The following CAV1 variants were observed in gnomAD, a reference collection of about 807,000 sequenced individuals.
CAV1 encodes caveolin 1, also known as caveolin-1.
Under a neutral mutation model 16.5 loss-of-function variants are expected in CAV1, and 10 were observed. The observed-to-expected ratio is 0.61, with a 90% CI of 0.37 to 1.03. The LOEUF is 1.03. CAV1 is among the 50% of genes least tolerant of loss of function. The pLI is 0.01. For synonymous variants in CAV1, 76 were observed against 85.1 expected, an observed-to-expected ratio of 0.89 and a Z score of 0.59; for missense variants, 212 against 232.8, an observed-to-expected ratio of 0.91 and a Z score of 0.58.
At chr7:116,525,578 A>C in intron 1 of CAV1, 2 of 1,194,686 alleles carry the variant, frequency 1.7e-6, no homozygotes, top group African/African-American at 1.6e-5. Context: ...GCACTTTCCA[A>C]AGTTCTTGAA....
At chr7:116,527,799 G>T (rs1317627675) in intron 2 of CAV1, among the ~76,000 whole-genome samples, 1 of 151,784 alleles carries the variant, frequency 6.6e-6, no homozygotes, top group Non-Finnish European at 1.5e-5. Flanking sequence ...AGGAGCTATA[G>T]TTCACAAACC....
At chr7:116,525,761 C>A in intron 1 of CAV1, 1 of 1,051,682 alleles carries the variant, frequency 9.5e-7, no homozygotes, top group South Asian at 3.6e-5. Flanking sequence ...GCCACCCGCC[C>A]GCAGCCTGGG....
Position 116,559,614 on chromosome 7 carries a change from G to GA in CAV1, c.*341dup, listed in dbSNP as rs71528103. 0.073 allele frequency: 26,046 copies of GA among 356,716 alleles called. 6 individuals are homozygous for GA. Among genetic ancestry groups the GA allele is most frequent in the Middle Eastern group, 0.097 (130 of 1,334 alleles). The allele number at this position is 356,716 out of a possible 1,614,324, so 22.1% of individuals were successfully genotyped here. ...GAGAGAAATATGAAGAACTGAGGAG[G>GA]AAAAAAAAAAAAAAGAAAAGAACCA... is the stretch of plus-strand genomic sequence containing the variant. On this transcript the variant is annotated 3_prime_UTR_variant, in exon 3 of 3. Coordinates refer to ENST00000341049, the MANE Select transcript of CAV1 (RefSeq NM_001753.5).
intron 2 of CAV1, among the ~76,000 whole-genome samples, chr7:116,545,479 A>G (rs1209430402): frequency 1.3e-5 from 2 of 152,170 alleles, no homozygotes; most frequent in Admixed American, 6.5e-5. Context: ...CTTTTTCCTC[A>G]CTTGCCAAGC....
rs1793883758 is a variant in CAV1 at position 116,539,029 on chromosome 7, G to A, written c.195+12340G>A. ...AAGATGAGATTTGGGTGGGGACACA[G>A]CCAAACCATATCAGGCATTCAACCA... On this transcript the variant is annotated intron_variant, in intron 2 of 2. Coordinates refer to ENST00000341049, the MANE Select transcript of CAV1 (RefSeq NM_001753.5). Among the ~76,000 whole-genome samples, 3 of 152,246 alleles carry A rather than the reference G, an allele frequency of 2.0e-5. No homozygotes were observed. The South Asian group carries it at 6.2e-4, about 32-fold the overall frequency.
intron 2 of CAV1, among the ~76,000 whole-genome samples, chr7:116,532,387 A>G (rs887425250): frequency 6.6e-6 from 1 of 152,250 alleles, no homozygotes; most frequent in Non-Finnish European, 1.5e-5. Flanking sequence ...TGGAATGACC[A>G]GAAACAGCTG....
At chr7:116,541,275 A>G (rs539496756) in intron 2 of CAV1, among the ~76,000 whole-genome samples, 12 of 152,260 alleles carry the variant, frequency 7.9e-5, no homozygotes, top group Non-Finnish European at 1.6e-4. Context: ...GGTAAGGCTG[A>G]GGAGGGACTG....
chr7:116,546,460 C>CGGGTGGATCACCTGAGGT (rs1393207739), intron 2 of CAV1, among the ~76,000 whole-genome samples: 1 of 151,362 alleles, frequency 6.6e-6, no homozygotes, highest in Non-Finnish European at 1.5e-5. Flanking sequence ...GAGCCTGAGG[C>CGGGTGGATCACCTGAGGT]GGGTGGATCA....
At chr7:116,529,537 T>C (rs924625979) in intron 2 of CAV1, among the ~76,000 whole-genome samples, 13 of 152,114 alleles carry the variant, frequency 8.5e-5, no homozygotes, top group African/African-American at 2.9e-4. Context: ...GTTCTCTGCA[T>C]TGTAAAAGCA....
chr7:116,528,826 T>C (rs1034974914), intron 2 of CAV1, among the ~76,000 whole-genome samples: 3 of 151,852 alleles, frequency 2.0e-5, no homozygotes, highest in African/African-American at 4.8e-5. Flanking sequence ...TTTATTTTTA[T>C]TTATTTATTT....
At chr7:116,528,717 CAAAAT>C (rs1793624098) in intron 2 of CAV1, among the ~76,000 whole-genome samples, 1 of 152,164 alleles carries the variant, frequency 6.6e-6, no homozygotes, top group East Asian at 1.9e-4. Flanking sequence ...CAAGCACAAA[CAAAAT>C]AACAGAAACA....
At chr7:116,555,542 G>GAGAGAAAGAA (rs1478856618) in intron 2 of CAV1, among the ~76,000 whole-genome samples, 15 of 12,114 alleles carry the variant, frequency 1.2e-3, no homozygotes, top group Non-Finnish European at 1.9e-3. Flanking sequence ...GAGAGAGAGA[G>GAGAGAAAGAA]AGAAAGAAAG....
In CAV1 at chr7:116,559,795, A is replaced by G; in HGVS notation, c.*508A>G. On this transcript the variant is annotated 3_prime_UTR_variant, in exon 3 of 3. Coordinates refer to ENST00000341049, the MANE Select transcript of CAV1 (RefSeq NM_001753.5). ...AGTGGATTACTGCCATTCACTTCAT[A>G]ATCCAGTAGGATCCAGTGATCCTTA... The G allele has an allele frequency of 2.4e-6, 1 of 411,582 alleles. No individual in the cohort carries two copies. Among genetic ancestry groups the G allele is most frequent in the Non-Finnish European group, 4.3e-6 (1 of 234,174 alleles). The allele number at this position is 411,582 out of a possible 1,614,324, so 25.5% of individuals were successfully genotyped here. A position where few individuals can be genotyped will look rare whatever the true frequency, so the allele number is the denominator to read the frequency against.
chr7:116,545,909 TG>T (rs1350761020), intron 2 of CAV1, among the ~76,000 whole-genome samples: 2 of 152,374 alleles, frequency 1.3e-5, no homozygotes, highest in African/African-American at 4.8e-5. Flanking sequence ...TCCAGGCCTC[TG>T]GATGAATCCC....
chr7:116,528,212 A>G (rs1361900300), intron 2 of CAV1, among the ~76,000 whole-genome samples: 1 of 152,044 alleles, frequency 6.6e-6, no homozygotes, highest in Non-Finnish European at 1.5e-5. Flanking sequence ...TCCCTGGAGC[A>G]AGCGAATCTC....
rs112960381 is a variant in CAV1 at position 116,559,665 on chromosome 7, T to C, written c.*378T>C. ...ACAACCTCAACTGCCTACTCCAAAA[T>C]GTTGGTCATTTTATGTTAAGGGAAG... is the stretch of plus-strand genomic sequence containing the variant. On this transcript the variant is annotated 3_prime_UTR_variant, in exon 3 of 3. Transcript: ENST00000341049. 5.5e-3 allele frequency: 2,896 copies of C among 525,694 alleles called. 65 individuals are homozygous for C. The highest frequency in any genetic ancestry group is 0.052 in the African/African-American group (2,596 of 50,310). 32.6% of individuals were successfully genotyped at this position (525,694 alleles called of 1,614,324 possible). A position where few individuals can be genotyped will look rare whatever the true frequency, so the allele number is the denominator to read the frequency against.
intron 2 of CAV1, among the ~76,000 whole-genome samples, chr7:116,557,796 T>C (rs559402606): frequency 1.3e-5 from 2 of 152,208 alleles, no homozygotes; most frequent in South Asian, 4.2e-4. Flanking sequence ...GCCTTGAGTC[T>C]CTTTCCTCCT....
In CAV1 at chr7:116,560,918, A is replaced by G. The variant is rs1469079200; in HGVS notation, c.*1631A>G. The G allele has an allele frequency of 6.6e-6, 1 of 152,608 alleles. No individual in the cohort carries two copies. Among genetic ancestry groups the G allele is most frequent in the East Asian group, 1.9e-4 (1 of 5,196 alleles). The allele number at this position is 152,608 out of a possible 1,614,324, so 9.5% of individuals were successfully genotyped here. On this transcript the variant is annotated 3_prime_UTR_variant, in exon 3 of 3. Coordinates refer to ENST00000341049, the MANE Select transcript of CAV1 (RefSeq NM_001753.5). ...GTGTACATAACTGAAAATGTGCTAT[A>G]CTGCATACTTTTTAAATGTAAAGAT...
At chr7:116,525,158 T>A (rs757540335) in intron 1 of CAV1, 66 bp downstream of exon 1, 20 of 1,613,890 alleles carry the variant, frequency 1.2e-5, no homozygotes, top group Non-Finnish European at 1.7e-5. Flanking sequence ...TATCTGCCTC[T>A]CCAAATATCC....
Sources: allele counts gnomAD v4.1 joint callset (sites outside exome capture counted in the v4.1 genomes callset), GRCh38; gene constraint gnomAD v4.1.1; transcripts MANE v1.5; gene names NCBI Gene and HGNC (gene_info 2026-07-23, HGNC 2026-07-21).